The following KAZN variants were observed in gnomAD, a reference collection of about 807,000 sequenced individuals.
The protein encoded by KAZN is kazrin.
A neutral mutation model predicts 87.4 loss-of-function variants in KAZN; 40 were observed. The observed-to-expected ratio is 0.46, with a 90% CI of 0.36 to 0.60. KAZN has a LOEUF of 0.60. KAZN is among the 20% of genes least tolerant of loss of function. KAZN has a pLI of 0.00. For missense variants in KAZN, 898 were observed against 1,073.9 expected (o/e 0.84, Z 2.29); for synonymous variants, 466 against 458.3 (o/e 1.02, Z -0.22).
In KAZN at chr1:13,981,089, T is replaced by TATATATATATATATATATA. The variant is rs1553181094; in HGVS notation, c.91+87333_91+87334insATATATATATATATATATA. Among the ~76,000 whole-genome samples, 201 of 63,112 alleles carry TATATATATATATATATATA rather than the reference T, an allele frequency of 3.2e-3. 15 individuals carry two copies. The highest frequency in any genetic ancestry group is 7.2e-3 in the South Asian group (15 of 2,070). 41.4% of individuals were successfully genotyped at this position (63,112 alleles called of 152,430 possible). A position where few individuals can be genotyped will look rare whatever the true frequency, so the allele number is the denominator to read the frequency against. On this transcript the variant is annotated intron_variant, in intron 1 of 16. Coordinates refer to the KAZN transcript ENST00000636203. ...TTGGAGAGGTATAAAAAATTACTCT[T>TATATATATATATATATATA]TATATATATATATATATATATGTAT...
intron 2 of KAZN, among the ~76,000 whole-genome samples, chr1:14,410,345 A>G (rs1410770083): frequency 1.3e-5 from 2 of 152,098 alleles, no homozygotes; most frequent in Non-Finnish European, 2.9e-5. Flanking sequence ...TAAGTGATCC[A>G]CCCACCTCGG....
intron 2 of KAZN, among the ~76,000 whole-genome samples, chr1:14,247,652 C>T (rs1179710364): frequency 6.6e-6 from 1 of 152,128 alleles, no homozygotes; most frequent in Non-Finnish European, 1.5e-5. Context: ...GCTTCGTGAT[C>T]GATACGCATC....
At chr1:14,202,276 G>A (rs754141031) in intron 2 of KAZN, among the ~76,000 whole-genome samples, 23 of 152,200 alleles carry the variant, frequency 1.5e-4, no homozygotes, top group Non-Finnish European at 2.6e-4. Flanking sequence ...GGAGACACAC[G>A]TGCGTTCTGC....
At chr1:14,990,086 C>A (rs1247948303) in intron 2 of KAZN, among the ~76,000 whole-genome samples, 5 of 152,186 alleles carry the variant, frequency 3.3e-5, no homozygotes, top group African/African-American at 1.2e-4. Flanking sequence ...CACACAGCCG[C>A]TAATCCAGAT....
chr1:14,958,548 G>T (rs11485048), intron 1 of KAZN, among the ~76,000 whole-genome samples: 1 of 152,120 alleles, frequency 6.6e-6, no homozygotes, highest in Non-Finnish European at 1.5e-5. Context: ...CACAGCCAAT[G>T]AGGGTTAGAC....
chr1:13,936,096 G>GTTTTTTTTGTT (rs1159463572), intron 1 of KAZN, among the ~76,000 whole-genome samples: 4 of 84,846 alleles, frequency 4.7e-5, no homozygotes, highest in African/African-American at 1.7e-4. Flanking sequence ...TACAAGTGCA[G>GTTTTTTTTGTT]TTTTTTTTTT....
chr1:14,941,180 A>G (rs1010492606), intron 1 of KAZN, among the ~76,000 whole-genome samples: 3 of 152,006 alleles, frequency 2.0e-5, no homozygotes, highest in African/African-American at 7.2e-5. Context: ...TCGGCCTCCC[A>G]AAGTCTGGGA....
At position 14,832,310 on chromosome 1, in the gene KAZN, G is replaced by T. The variant is rs546918677; in HGVS notation, c.227-128374G>T. On this transcript the variant is annotated intron_variant, in intron 1 of 14. Coordinates refer to ENST00000376030, the MANE Select transcript of KAZN (RefSeq NM_201628.3). ...TCTCTCTATCTCTGGGATCTGCTGT[G>T]CTGTGGTGGAGGGGACTTCATTCTT... is the stretch of plus-strand genomic sequence containing the variant. 2.0e-5 allele frequency among the ~76,000 whole-genome samples: 3 copies of T among 152,220 alleles called. No individual in the cohort carries two copies. In the East Asian group the frequency reaches 5.8e-4, roughly 29 times the overall value.
chr1:14,898,054 A>G (rs936089661), intron 1 of KAZN, among the ~76,000 whole-genome samples: 1 of 152,232 alleles, frequency 6.6e-6, no homozygotes, highest in Admixed American at 6.5e-5. Flanking sequence ...TGATGGATAT[A>G]AGCACCTAAC....
intron 2 of KAZN, among the ~76,000 whole-genome samples, chr1:14,375,439 G>A (rs538648497): frequency 7.2e-5 from 11 of 152,300 alleles, no homozygotes; most frequent in Admixed American, 2.0e-4. Context: ...GAGCCATACC[G>A]TAGGAATACT....
chr1:14,035,421 A>G (rs1641511493), intron 1 of KAZN, among the ~76,000 whole-genome samples: 1 of 151,582 alleles, frequency 6.6e-6, no homozygotes, highest in South Asian at 2.1e-4. Context: ...TAAAGCAAGC[A>G]TTTGCCCAGG....
At chr1:14,062,278 G>T (rs1347028532) in intron 1 of KAZN, among the ~76,000 whole-genome samples, 1 of 152,156 alleles carries the variant, frequency 6.6e-6, no homozygotes, top group South Asian at 2.1e-4. Flanking sequence ...AGTGGTAACC[G>T]TTGTTCCTGG....
chr1:14,745,544 G>A (rs557953486), intron 1 of KAZN, among the ~76,000 whole-genome samples: 78 of 152,126 alleles, frequency 5.1e-4, no homozygotes, highest in African/African-American at 1.7e-3. Context: ...TTTAAATCTC[G>A]CCATTGAGTG....
At chr1:14,569,423 C>T (rs1432563629) in intron 2 of KAZN, among the ~76,000 whole-genome samples, 1 of 149,252 alleles carries the variant, frequency 6.7e-6, no homozygotes, top group African/African-American at 2.5e-5. Flanking sequence ...CCCAGGTTCA[C>T]GCCATTCTCC....
In KAZN at chr1:14,667,446, A is replaced by G. The variant is rs528161312; in HGVS notation, c.226+68223A>G. ...CACACAGAAGTTGAGAAAAATTGTTATTTTAGCAAGAACACTAGAGGACTG... is the reference window on the plus strand; with the variant it reads ...CACACAGAAGTTGAGAAAAATTGTTGTTTTAGCAAGAACACTAGAGGACTG... On this transcript the variant is annotated intron_variant, in intron 1 of 14. Transcript: ENST00000376030. 3.3e-5 allele frequency among the ~76,000 whole-genome samples: 5 copies of G among 152,330 alleles called. No individual in the cohort carries two copies. In the South Asian group the frequency reaches 6.2e-4, roughly 19 times the overall value.
intron 1 of KAZN, among the ~76,000 whole-genome samples, chr1:14,143,961 T>G (rs1645293931): frequency 6.6e-6 from 1 of 152,090 alleles, no homozygotes. Context: ...CAAGTGATCC[T>G]CCTGTCTCAG....
chr1:14,231,349 C>A (rs1222576673), intron 2 of KAZN, among the ~76,000 whole-genome samples: 1 of 152,190 alleles, frequency 6.6e-6, no homozygotes, highest in Non-Finnish European at 1.5e-5. Context: ...TCTTCCCCTC[C>A]CCTTGTAATT....
chr1:14,156,066 T>A (rs1645587190), intron 1 of KAZN, among the ~76,000 whole-genome samples: 1 of 152,224 alleles, frequency 6.6e-6, no homozygotes, highest in Admixed American at 6.5e-5. Context: ...AGAAATTTTT[T>A]AATTTTCTTC....
chr1:14,302,863 G>A (rs771171164), intron 2 of KAZN, among the ~76,000 whole-genome samples: 1 of 152,144 alleles, frequency 6.6e-6, no homozygotes, highest in East Asian at 1.9e-4. Context: ...AAGGTTGAGC[G>A]ACGTGAGTTG....
Sources: allele counts gnomAD v4.1 joint callset (sites outside exome capture counted in the v4.1 genomes callset), GRCh38; gene constraint gnomAD v4.1.1; transcripts MANE v1.5; gene names NCBI Gene and HGNC (gene_info 2026-07-23, HGNC 2026-07-21).